Variants in ZDHHC24 observed in about 807,000 individuals in gnomAD.
ZDHHC24 encodes probable palmitoyltransferase ZDHHC24.
ZDHHC24 carries 17 observed loss-of-function variants against 23.2 expected under a neutral mutation model. That is an observed-to-expected ratio of 0.73 (90% CI 0.50 to 1.10). The LOEUF (loss-of-function observed/expected upper bound fraction) is 1.10. ZDHHC24 is among the 50% of genes least tolerant of loss of function. ZDHHC24 has a pLI of 0.00. For missense variants in ZDHHC24, 366 were observed against 393.0 expected (o/e 0.93, Z 0.58); for synonymous variants, 186 against 194.5 (o/e 0.96, Z 0.36).
At chr11:66,526,021 A>T in intron 4 of ZDHHC24, 1 of 996,192 alleles carries the variant, frequency 1.0e-6, no homozygotes, top group South Asian at 1.3e-5. Flanking sequence ...GCCTGTCTCT[A>T]TCACTTCTCA....
Position 66,537,526 on chromosome 11 carries a change from T to G in ZDHHC24, c.*2003A>C, listed in dbSNP as rs1373152947. 4 of 152,002 alleles carry G rather than the reference T, an allele frequency of 2.6e-5. No individual in the cohort carries two copies. Among genetic ancestry groups the G allele is most frequent in the Non-Finnish European group, 5.9e-5 (4 of 67,994 alleles). 9.4% of individuals were successfully genotyped at this position (152,002 alleles called of 1,614,324 possible). ...TTTCAGCTCTTAATTCTCCATCCAC[T>G]TTCCATCTTTGAAAATGTCAGCCAG... On this transcript the variant is annotated 3_prime_UTR_variant, in exon 3 of 3. Coordinates refer to ENST00000310442, the MANE Select transcript of ZDHHC24 (RefSeq NM_207340.3).
At chr11:66,540,511 C>T (rs1243482229) in intron 2 of ZDHHC24, among the ~76,000 whole-genome samples, 1 of 150,770 alleles carries the variant, frequency 6.6e-6, no homozygotes, top group African/African-American at 2.4e-5. Context: ...GGGTGGATCA[C>T]GAGGTCAGGA....
rs1186817031 is a variant in ZDHHC24, at chr11:66,523,898, G to A, written c.*22-2432C>T. On this transcript the variant is annotated intron_variant, in intron 4 of 4. Transcript: ENST00000526986. The stretch of plus-strand genomic sequence containing the variant: ...CCACACCCCGGTGAGCCCCATCTCC[G>A]GCATCTGCCACTCACTCCTCCTTGC... 17 of 1,611,872 alleles carry A rather than the reference G, an allele frequency of 1.1e-5. No homozygotes were observed. The highest frequency in any genetic ancestry group is 1.4e-5 in the Non-Finnish European group (17 of 1,180,000).
chr11:66,539,241 G>A lies in ZDHHC24; in HGVS notation c.*288C>T. 1.8e-6 allele frequency: 2 copies of A among 1,133,704 alleles called. No homozygotes were observed. 70.2% of individuals were successfully genotyped at this position (1,133,704 alleles called of 1,614,324 possible). A position where few individuals can be genotyped will look rare whatever the true frequency, so the allele number is the denominator to read the frequency against. On this transcript the variant is annotated 3_prime_UTR_variant, in exon 3 of 3. Coordinates refer to ENST00000310442, the MANE Select transcript of ZDHHC24 (RefSeq NM_207340.3). Reference sequence around the variant, plus strand: ...AACAAAGTGAGGGGCCAGAAACTATGCAAAGATGGAGGGAGGCTGAGAAAC... The same window carrying A: ...AACAAAGTGAGGGGCCAGAAACTATACAAAGATGGAGGGAGGCTGAGAAAC...
chr11:66,526,058 C>A, intron 4 of ZDHHC24: 1 of 1,470,544 alleles, frequency 6.8e-7, no homozygotes, highest in Non-Finnish European at 9.5e-7. Flanking sequence ...CCTCCCCTAC[C>A]CATCCCCTGT....
downstream of ZDHHC24, chr11:66,533,262 A>G (rs1856855008): frequency 6.6e-6 from 1 of 152,232 alleles, no homozygotes; most frequent in African/African-American, 2.4e-5. Context: ...TACTTATTTA[A>G]AAACACATAC....
At chr11:66,533,086 T>C (rs1856848820), downstream of ZDHHC24, 1 of 152,142 alleles carries the variant, frequency 6.6e-6, no homozygotes, top group South Asian at 2.1e-4. Flanking sequence ...GTTTATATAA[T>C]GTAATATTAT....
At chr11:66,525,810 T>G (rs1856464846) in intron 4 of ZDHHC24, among the ~76,000 whole-genome samples, 1 of 152,018 alleles carries the variant, frequency 6.6e-6, no homozygotes, top group Non-Finnish European at 1.5e-5. Context: ...AGACCAGACA[T>G]ATTTGTGTTT....
rs778345991 is a variant in ZDHHC24 at position 66,543,776 on chromosome 11, CCGACAG to C, written c.481_486del (p.Leu161_Ser162del). 1 of 1,610,784 alleles carries C rather than the reference CCGACAG, an allele frequency of 6.2e-7. No individual in the cohort carries two copies. The highest frequency in any genetic ancestry group is 8.5e-7 in the Non-Finnish European group (1 of 1,178,552). On this transcript the variant is annotated inframe_deletion, in exon 2 of 3. Transcript: ENST00000310442. The stretch of plus-strand genomic sequence containing the variant: ...AGGGGCGTGTGGGCTCGCAGCAGGG[CCGACAG>C]TGCAGGGCCCAGCAGCACAGAGACG...
Position 66,543,822 on chromosome 11 carries a change from G to T in ZDHHC24, c.441C>A (p.Ala147=), listed in dbSNP as rs577842679. 1.2e-6 allele frequency: 2 copies of T among 1,613,744 alleles called. No homozygotes were observed. The highest frequency in any genetic ancestry group is 2.7e-5 in the African/African-American group (2 of 75,062). ...GCACAGAGACGTGGAGCAGGACGCC[G>T]GCGGCATGAAGCAGCAGGCACAGGA... ...RPFLCLLLHA[A]GVLLHVSVLL... is the part of the protein sequence containing the mutation. Residue 147 remains alanine, a synonymous_variant, in exon 2 of 3, where the codon GCC becomes GCA. Transcript: ENST00000310442.
rs569163609 is a variant in ZDHHC24, at chr11:66,524,751, T to C, written c.*21+2185A>G. Among the ~76,000 whole-genome samples, 14 of 152,298 alleles carry C rather than the reference T, an allele frequency of 9.2e-5. No individual in the cohort carries two copies. In the South Asian group the frequency reaches 2.7e-3, roughly 29 times the overall value. On this transcript the variant is annotated intron_variant, in intron 4 of 4. Transcript: ENST00000526986. ...TCACAACCAGCAACATTTTTAAAAA[T>C]AGAATAGTAAATTCAAAGTATGTCA...
chr11:66,543,614 A>G (rs1018423810), intron 2 of ZDHHC24, 90 bp downstream of exon 2: 7 of 1,443,862 alleles, frequency 4.8e-6, no homozygotes, highest in Non-Finnish European at 6.4e-6. Context: ...CCCCCAGGCC[A>G]GAAAGCCCGT....
intron 2 of ZDHHC24, among the ~76,000 whole-genome samples, chr11:66,541,329 G>A (rs555291411): frequency 2.0e-5 from 3 of 151,856 alleles, no homozygotes; most frequent in Admixed American, 2.0e-4. Flanking sequence ...CTTGAACCTG[G>A]AAGGCGGAGG....
At chr11:66,540,961 G>A (rs866317766) in intron 2 of ZDHHC24, among the ~76,000 whole-genome samples, 1 of 152,032 alleles carries the variant, frequency 6.6e-6, no homozygotes, top group African/African-American at 2.4e-5. Flanking sequence ...TGGTTGCCAG[G>A]GGCTAAGGGG....
At chr11:66,540,793 C>T (rs924279103) in intron 2 of ZDHHC24, among the ~76,000 whole-genome samples, 2 of 151,930 alleles carry the variant, frequency 1.3e-5, no homozygotes, top group Non-Finnish European at 2.9e-5. Flanking sequence ...CCATCTTGGC[C>T]CACAGTCAGC....
In ZDHHC24 at chr11:66,539,644, G is replaced by A. The variant is rs1231968902; in HGVS notation, c.740C>T (p.Ala247Val). 1 of 1,612,396 alleles carries A rather than the reference G, an allele frequency of 6.2e-7. No homozygotes were observed. Among genetic ancestry groups the A allele is most frequent in the Non-Finnish European group, 8.5e-7 (1 of 1,179,644 alleles). ...GAGGGCCCAGCGGGGCCCCAGGGCT[G>A]CCTGCAGGTTGTGGCAGGGACCCAG... ...YDLGPCHNLQAALGPRWALVW... is the reference protein window; with the variant it reads ...YDLGPCHNLQVALGPRWALVW... The change falls in exon 3 of 3, where the codon GCA becomes GTA. Residue 247 changes from alanine (A) to valine (V), a missense_variant. Coordinates refer to ENST00000310442, the MANE Select transcript of ZDHHC24 (RefSeq NM_207340.3).
exon 3 of ZDHHC24, chr11:66,529,320 T>C: frequency 2.6e-6 from 4 of 1,536,250 alleles, no homozygotes; most frequent in Non-Finnish European, 3.5e-6. Context: ...ACCATGAGGC[T>C]GGTTTCCGCA....
Position 66,521,269 on chromosome 11 carries a change from G to C in ZDHHC24, c.*219C>G, listed in dbSNP as rs748523268. ...GGAGTGTTTGCGCTTCTTGTTTGCAGATGAGCCTTCCCAGCGTCCCCGTCT... is the reference window on the plus strand; with the variant it reads ...GGAGTGTTTGCGCTTCTTGTTTGCACATGAGCCTTCCCAGCGTCCCCGTCT... On this transcript the variant is annotated 3_prime_UTR_variant, in exon 5 of 5. Coordinates refer to the ZDHHC24 transcript ENST00000526986. 4.2e-5 allele frequency: 68 copies of C among 1,613,636 alleles called. No individual in the cohort carries two copies. Among genetic ancestry groups the C allele is most frequent in the Non-Finnish European group, 5.1e-6 (6 of 1,179,654 alleles).
rs575829381 is a variant in ZDHHC24 at position 66,538,694 on chromosome 11, G to A, written c.*835C>T. 2.0e-5 allele frequency: 3 copies of A among 152,338 alleles called. No individual in the cohort carries two copies. The highest frequency in any genetic ancestry group is 4.1e-4 in the South Asian group (2 of 4,834). The allele number at this position is 152,338 out of a possible 1,614,324, so 9.4% of individuals were successfully genotyped here. ...ACACATGTGTTTAGGCCTGCCATGT[G>A]GAAATGGCGGTCTCTATTCATTCTA... On this transcript the variant is annotated 3_prime_UTR_variant, in exon 3 of 3. Coordinates refer to ENST00000310442, the MANE Select transcript of ZDHHC24 (RefSeq NM_207340.3).
Sources: gnomAD v4.1 joint callset for allele counts (sites outside exome capture counted in the v4.1 genomes callset) on GRCh38, gnomAD v4.1.1 for gene constraint, MANE v1.5 for transcripts, NCBI Gene and HGNC (gene_info 2026-07-23, HGNC 2026-07-21) for gene names.